Variants in PRPF18 observed in about 807,000 individuals in gnomAD.
PRPF18 encodes the protein pre-mRNA processing factor 18.
Under a neutral mutation model 46.5 loss-of-function variants are expected in PRPF18, and 38 were observed. The observed-to-expected ratio is 0.82, with a 90% CI of 0.63 to 1.07. The LOEUF (loss-of-function observed/expected upper bound fraction) is 1.07. Ranked by LOEUF, PRPF18 falls within the 50% of genes least tolerant of loss-of-function variation. The pLI is 0.00. For missense variants in PRPF18, 263 were observed against 410.0 expected, an observed-to-expected ratio of 0.64 and a Z score of 3.10; for synonymous variants, 152 against 146.7, an observed-to-expected ratio of 1.04 and a Z score of -0.26.
intron 1 of PRPF18, among the ~76,000 whole-genome samples, chr10:13,588,598 A>G (rs1360265253): frequency 1.3e-5 from 2 of 151,900 alleles, no homozygotes; most frequent in Admixed American, 1.3e-4. Flanking sequence ...AAAAAAAGTA[A>G]TAAAATTCCT....
the PRPF18 span, chr10:13,655,117 C>T: frequency 6.6e-6 from 1 of 152,372 alleles, no homozygotes; most frequent in African/African-American, 2.4e-5. Flanking sequence ...CTGATGTAGG[C>T]AGCATGGAAG....
intron 3 of PRPF18, 124 bp downstream of exon 3, chr10:13,600,472 T>C: frequency 4.6e-6 from 3 of 656,502 alleles, no homozygotes; most frequent in Non-Finnish European, 7.1e-6. Context: ...AAAAATGCTG[T>C]GCAGCTAGTT....
downstream of PRPF18, among the ~76,000 whole-genome samples, chr10:13,634,989 T>C (rs539113175): frequency 6.6e-6 from 1 of 152,290 alleles, no homozygotes; most frequent in African/African-American, 2.4e-5. Context: ...CATCATCCTA[T>C]CACCCGGATA....
chr10:13,613,680 A>G (rs924497622), intron 6 of PRPF18, 61 bp from the exon 7 acceptor site: 14 of 1,528,634 alleles, frequency 9.2e-6, no homozygotes, highest in Non-Finnish European at 1.2e-5. Context: ...GCTAGAGAGC[A>G]TTTAGATGTA....
chr10:13,615,556 A>T (rs1386896956), intron 8 of PRPF18, among the ~76,000 whole-genome samples: 2 of 152,174 alleles, frequency 1.3e-5, no homozygotes, highest in South Asian at 2.1e-4. Context: ...ATCTGATTTT[A>T]AAAAAATTGA....
chr10:13,605,766 A>G, intron 4 of PRPF18, 22 bp downstream of exon 4: 3 of 1,600,246 alleles, frequency 1.9e-6, no homozygotes, highest in Non-Finnish European at 2.6e-6. Context: ...GAACAAAGCT[A>G]GAAAAATACC....
intron 2 of PRPF18, among the ~76,000 whole-genome samples, chr10:13,597,871 C>A (rs372485630): frequency 1.0e-3 from 157 of 152,002 alleles, no homozygotes; most frequent in African/African-American, 3.5e-3. Context: ...TCCTCTCCCC[C>A]ACCTCTCCCA....
downstream of PRPF18, among the ~76,000 whole-genome samples, chr10:13,634,207 G>A (rs902731610): frequency 6.6e-6 from 1 of 152,136 alleles, no homozygotes; most frequent in African/African-American, 2.4e-5. Flanking sequence ...TTCCCCCATT[G>A]TAAACTTTAT....
At chr10:13,652,094 AC>A in the PRPF18 span, 2 of 718,382 alleles carry the variant, frequency 2.8e-6, no homozygotes, top group Non-Finnish European at 2.6e-6. Context: ...CTGATTAGAC[AC>A]CTGAGTTAGC....
chr10:13,593,296 A>C (rs922397236), intron 1 of PRPF18, among the ~76,000 whole-genome samples: 1 of 152,228 alleles, frequency 6.6e-6, no homozygotes, highest in Admixed American at 6.5e-5. Context: ...AGGAAGACAT[A>C]AGAAGAATCT....
the PRPF18 span, chr10:13,651,731 T>G: frequency 1.6e-6 from 1 of 613,384 alleles, no homozygotes; most frequent in Non-Finnish European, 3.0e-6. Flanking sequence ...TATCATAATT[T>G]TGATGTAAGA....
intron 9 of PRPF18, among the ~76,000 whole-genome samples, chr10:13,625,186 T>C (rs1589137509): frequency 6.6e-6 from 1 of 151,968 alleles, no homozygotes; most frequent in Admixed American, 6.6e-5. Context: ...AAAATTTAGC[T>C]GGACGTGGTG....
chr10:13,631,536 A>G (rs2080589707), downstream of PRPF18: 1 of 152,286 alleles, frequency 6.6e-6, no homozygotes, highest in Non-Finnish European at 1.5e-5. Flanking sequence ...GTGTTCAAGC[A>G]GAATGCTGAG....
chr10:13,648,076 C>T, the PRPF18 span: 6 of 152,172 alleles, frequency 3.9e-5, no homozygotes, highest in Non-Finnish European at 8.8e-5. Context: ...CATTTGCTAA[C>T]CTCTCTAGGA....
In PRPF18 at chr10:13,600,279, T is replaced by C; in HGVS notation, c.180T>C (p.Thr60=). Residue 60 remains threonine (T), a synonymous_variant, in exon 3 of 10, where the codon ACT becomes ACC. Coordinates refer to ENST00000378572, the MANE Select transcript of PRPF18 (RefSeq NM_003675.4). ...AAGAGGAGGACCAGAAACCATTAAC[T>C]TCATCGAATCCAGTGTTAGAACTTG... is the stretch of plus-strand genomic sequence containing the variant. The part of the protein sequence containing the change: ...QPKEEDQKPL[T]SSNPVLELEL... 1 of 1,612,174 alleles carries C rather than the reference T, an allele frequency of 6.2e-7. No homozygotes were observed. Among genetic ancestry groups the C allele is most frequent in the Non-Finnish European group, 8.5e-7 (1 of 1,179,144 alleles).
At position 13,630,422 on chromosome 10, in the gene PRPF18, GA is replaced by G; in HGVS notation, c.*85del. ...TTCTGGAATTACCAACAGGAATGAG[GA>G]AAGAAGAAAACTGGAGTTTCCAGTC... On this transcript the variant is annotated 3_prime_UTR_variant, in exon 10 of 10. Coordinates refer to ENST00000378572, the MANE Select transcript of PRPF18 (RefSeq NM_003675.4). 8.6e-7 allele frequency: 1 copy of G among 1,163,980 alleles called. No homozygotes were observed. The highest frequency in any genetic ancestry group is 1.2e-6 in the Non-Finnish European group (1 of 811,168). The allele number at this position is 1,163,980 out of a possible 1,614,324, so 72.1% of individuals were successfully genotyped here.
the PRPF18 span, chr10:13,647,143 T>TAATC: frequency 2.5e-5 from 4 of 160,896 alleles, no homozygotes; most frequent in Non-Finnish European, 4.0e-5. Context: ...GGCCCTGTGC[T>TAATC]AATCACGAGT....
chr10:13,651,308 G>A, the PRPF18 span: 1 of 152,556 alleles, frequency 6.6e-6, no homozygotes, highest in Non-Finnish European at 1.5e-5. Context: ...GGTGCTTCTG[G>A]AGCCACTGAG....
intron 1 of PRPF18, among the ~76,000 whole-genome samples, chr10:13,596,842 C>G (rs959925020): frequency 5.3e-5 from 8 of 152,140 alleles, no homozygotes; most frequent in African/African-American, 1.9e-4. Flanking sequence ...CAGAGAGATA[C>G]CCTGTCTCCA....
Sources: allele counts gnomAD v4.1 joint callset (sites outside exome capture counted in the v4.1 genomes callset), GRCh38; gene constraint gnomAD v4.1.1; transcripts MANE v1.5; gene names NCBI Gene and HGNC (gene_info 2026-07-23, HGNC 2026-07-21).